The following SNRNP200 variants were observed in gnomAD, a reference collection of about 807,000 sequenced individuals.
The protein encoded by SNRNP200 is small nuclear ribonucleoprotein U5 subunit 200.
SNRNP200 carries 66 observed loss-of-function variants against 255.2 expected under a neutral mutation model. That is an observed-to-expected ratio of 0.26 (90% CI 0.21 to 0.32). The LOEUF (loss-of-function observed/expected upper bound fraction) is 0.32. SNRNP200 is among the 10% of genes least tolerant of loss of function. The pLI is 1.00. For missense variants in SNRNP200, 1,585 were observed against 2,749.8 expected (o/e 0.58, Z 9.47); for synonymous variants, 939 against 1,027.8 (o/e 0.91, Z 1.65).
chr2:96,299,552 G>T, intron 5 of SNRNP200, 125 bp from the exon 6 acceptor site: 1 of 805,600 alleles, frequency 1.2e-6, no homozygotes. Flanking sequence ...GAAACCGAGA[G>T]CCTATTGGAA....
In SNRNP200 at chr2:96,281,901, G is replaced by C. The variant is rs747820198; in HGVS notation, c.4937C>G (p.Ala1646Gly). 3 of 1,614,098 alleles carry C rather than the reference G, an allele frequency of 1.9e-6. No homozygotes were observed. In the East Asian group the frequency reaches 6.7e-5, roughly 36 times the overall value. ...FSSGAIQVVV[A>G]SRSLCWGMNV... ...CATGCCCCAGCAGAGACTCCGAGAA[G>C]CCACCACCACCTGGATAGCCCCTGA... The change falls in exon 35 of 45, where the codon GCT (alanine) becomes GGT (glycine). Residue 1646 changes from alanine to glycine, a missense_variant. Physicochemically the swap from Ala to Gly is moderately conservative, Grantham distance 60 (BLOSUM62 0). This residue lies in a region of SNRNP200 where 719 missense variants were observed against 1,091.1 expected (regional missense o/e 0.66). Coordinates refer to ENST00000323853, the MANE Select transcript of SNRNP200 (RefSeq NM_014014.5).
At position 96,297,090 on chromosome 2, in the gene SNRNP200, A is replaced by G. The variant is rs1242885549; in HGVS notation, c.1378-20T>C. 2.5e-6 allele frequency: 4 copies of G among 1,614,062 alleles called. No individual in the cohort carries two copies. The African/African-American group carries it at 4.0e-5, about 16-fold the overall frequency. On this transcript the variant is annotated intron_variant, in intron 11 of 44. Coordinates refer to ENST00000323853, the MANE Select transcript of SNRNP200 (RefSeq NM_014014.5). ...CAGTTGCTAGAAGAAAAGAAGTGCC[A>G]TCAATATCATGTTGGCAGCATCCTT...
Position 96,277,249 on chromosome 2 carries a change from G to A in SNRNP200, c.5932-8C>T, listed in dbSNP as rs1200443216. 4.3e-6 allele frequency: 7 copies of A among 1,614,022 alleles called. No homozygotes were observed. Among genetic ancestry groups the A allele is most frequent in the Non-Finnish European group, 5.9e-6 (7 of 1,179,968 alleles). On this transcript the variant is annotated splice_polypyrimidine_tract_variant and splice_region_variant and intron_variant, in intron 41 of 44. Coordinates refer to ENST00000323853, the MANE Select transcript of SNRNP200 (RefSeq NM_014014.5). This position sits in a 1 kb window ranked among gnomAD's most constrained non-coding sequence, Gnocchi z 4.4. Reference sequence around the variant, plus strand: ...GAAAACACTCTCCACTCCCTGCAGTGAGTATTCAGACGTCAGGAAAGAGAG... The same window carrying A: ...GAAAACACTCTCCACTCCCTGCAGTAAGTATTCAGACGTCAGGAAAGAGAG...
intron 43 of SNRNP200, 154 bp downstream of exon 43, chr2:96,276,750 A>C: frequency 2.4e-6 from 2 of 847,416 alleles, no homozygotes; most frequent in Non-Finnish European, 4.1e-6. Context: ...CAAACAGAAA[A>C]AAAACCCCAT....
intron 8 of SNRNP200, 25 bp downstream of exon 8, chr2:96,298,578 C>A (rs1211924131): frequency 6.2e-7 from 1 of 1,611,170 alleles, no homozygotes. Context: ...ACTCACTCTG[C>A]AGGAAGACCC....
chr2:96,290,353 G>A lies in SNRNP200; in HGVS notation c.2715C>T (p.Ile905=), dbSNP rs138641050. The A allele has an allele frequency of 4.5e-5, 72 of 1,614,096 alleles. No homozygotes were observed. Among genetic ancestry groups the A allele is most frequent in the East Asian group, 6.7e-5 (3 of 44,882 alleles). The part of the protein sequence containing the change: ...SKLPDMLNAE[I]VLGNVQNAKD... ...TGGCATTCTGGACATTTCCTAGCAC[G>A]ATTTCTGCATTGAGCATGTCAGGAA... is the stretch of plus-strand genomic sequence containing the variant. The change falls in exon 20 of 45, where the codon ATC becomes ATT. Residue 905 remains isoleucine (I), a synonymous_variant. Transcript: ENST00000323853. The surrounding 1 kb of genome is among the most constrained non-coding windows in gnomAD (Gnocchi z 4.5).
intron 43 of SNRNP200, 51 bp downstream of exon 43, chr2:96,276,853 C>CCAATGGATAGGGTGAGTTGA: frequency 6.4e-7 from 1 of 1,556,724 alleles, no homozygotes; most frequent in Non-Finnish European, 8.9e-7. Flanking sequence ...AAGCACCTAG[C>CCAATGGATAGGGTGAGTTGA]CAATGGATAG....
At chr2:96,300,632 G>A (rs1246633579) in intron 5 of SNRNP200, among the ~76,000 whole-genome samples, 1 of 151,922 alleles carries the variant, frequency 6.6e-6, no homozygotes, top group Non-Finnish European at 1.5e-5. Context: ...GCATGGTGGC[G>A]GGCGCCTATA....
Position 96,297,689 on chromosome 2 carries a change from T to G in SNRNP200, c.1151A>C (p.Gln384Pro), listed in dbSNP as rs373841671. ...TTCCAGATCTGTGTCCATTCGAGAC[T>G]GACGCACTCGCTCTCTCCGGGACCT... ...EERSRRERVRQSRMDTDLETM... is the reference protein window; with the variant it reads ...EERSRRERVRPSRMDTDLETM... Residue 384 changes from glutamine (Q) to proline (P), a missense_variant, in exon 10 of 45, where the codon CAG becomes CCG. This residue lies in a region of SNRNP200 where 383 missense variants were observed against 645.3 expected (regional missense o/e 0.59). Coordinates refer to ENST00000323853, the MANE Select transcript of SNRNP200 (RefSeq NM_014014.5). The G allele has an allele frequency of 1.2e-5, 19 of 1,614,152 alleles. No homozygotes were observed. Among genetic ancestry groups the G allele is most frequent in the Non-Finnish European group, 1.6e-5 (19 of 1,180,058 alleles).
intron 31 of SNRNP200, 53 bp downstream of exon 31, chr2:96,284,305 A>G (rs1490315719): frequency 6.6e-7 from 1 of 1,511,936 alleles, no homozygotes; most frequent in Non-Finnish European, 9.2e-7. Flanking sequence ...TCCAATGCCA[A>G]GGCCACTTGG....
At chr2:96,275,182 T>C (rs760816289) in intron 44 of SNRNP200, 27 bp from the exon 45 acceptor site, 1 of 1,614,084 alleles carries the variant, frequency 6.2e-7, no homozygotes, top group Non-Finnish European at 8.5e-7. Context: ...GAAATCAAGA[T>C]GAGCATGGAC....
chr2:96,280,552 T>C (rs1410761467), intron 35 of SNRNP200, among the ~76,000 whole-genome samples: 2 of 136,646 alleles, frequency 1.5e-5, no homozygotes, highest in African/African-American at 5.2e-5. Flanking sequence ...CTGACTCTTC[T>C]AACTTCTTTT....
chr2:96,293,053 T>C lies in SNRNP200; in HGVS notation c.2079A>G (p.Thr693=). The change falls in exon 16 of 45, where the codon ACA becomes ACG. Residue 693 remains threonine, a synonymous_variant. Coordinates refer to ENST00000323853, the MANE Select transcript of SNRNP200 (RefSeq NM_014014.5). ...VPLEQTYVGI[T]EKKAIKRFQI... is the part of the protein sequence containing the mutation. The stretch of plus-strand genomic sequence containing the variant: ...GGAAACGCTTGATAGCTTTTTTCTC[T>C]GTGATACCCACATATGTCTGTTCCA... 6.2e-7 allele frequency: 1 copy of C among 1,614,192 alleles called. No homozygotes were observed.
At chr2:96,285,614 A>G (rs2063839498) in intron 29 of SNRNP200, among the ~76,000 whole-genome samples, 1 of 152,224 alleles carries the variant, frequency 6.6e-6, no homozygotes, top group Non-Finnish European at 1.5e-5. Context: ...AAAGCAAAGC[A>G]AAAGAAGCCA....
intron 36 of SNRNP200, 51 bp downstream of exon 36, chr2:96,279,400 A>C (rs1292965853): frequency 8.7e-7 from 1 of 1,143,732 alleles, no homozygotes; most frequent in African/African-American, 1.5e-5. Context: ...AAGATTAAAG[A>C]ATCCATTCTG....
At position 96,279,252 on chromosome 2, in the gene SNRNP200, C is replaced by A. The variant is rs1046367438; in HGVS notation, c.5133+199G>T. 53 of 655,172 alleles carry A rather than the reference C, an allele frequency of 8.1e-5. No individual in the cohort carries two copies. The South Asian group carries it at 9.3e-4, about 11-fold the overall frequency. 40.6% of individuals were successfully genotyped at this position (655,172 alleles called of 1,614,324 possible). On this transcript the variant is annotated intron_variant, in intron 36 of 44. Coordinates refer to ENST00000323853, the MANE Select transcript of SNRNP200 (RefSeq NM_014014.5). ...ACCAAGTAGAGGGTGAAGACCTCAA[C>A]ACGTGGAGCCAACGGCAGCAGCAAA...
intron 2 of SNRNP200, among the ~76,000 whole-genome samples, chr2:96,303,611 C>T (rs1367067756): frequency 1.3e-5 from 2 of 152,126 alleles, no homozygotes; most frequent in Non-Finnish European, 1.5e-5. Flanking sequence ...ACCCTTTGGC[C>T]AGGTGCAGTG....
Position 96,289,075 on chromosome 2 carries a change from T to C in SNRNP200, c.3136A>G (p.Ile1046Val). Residue 1046 changes from isoleucine (I) to valine (V), a missense_variant, in exon 23 of 45, where the codon ATC becomes GTC. Transcript: ENST00000323853. ...TCCTCAATGCTCTCCTTTACAGGGA[T>C]AGGCACCCTCTCCAGCAACTTCTGC... ...ELQKLLERVP[I>V]PVKESIEEPS... The C allele has an allele frequency of 4.3e-6, 7 of 1,613,298 alleles. No homozygotes were observed. Among genetic ancestry groups the C allele is most frequent in the Middle Eastern group, 1.7e-4 (1 of 6,060 alleles).
In SNRNP200 at chr2:96,277,329, C is replaced by T; in HGVS notation, c.5932-88G>A. 1 of 1,441,012 alleles carries T rather than the reference C, an allele frequency of 6.9e-7. No individual in the cohort carries two copies. The highest frequency in any genetic ancestry group is 9.8e-7 in the Non-Finnish European group (1 of 1,025,328). The allele number at this position is 1,441,012 out of a possible 1,614,324, so 89.3% of individuals were successfully genotyped here. ...AGCAAAGAGCTACTAATTTTACCTC[C>T]TACACTATCAAGTCATCTAGATAAA... On this transcript the variant is annotated intron_variant, in intron 41 of 44. Coordinates refer to ENST00000323853, the MANE Select transcript of SNRNP200 (RefSeq NM_014014.5). The surrounding 1 kb of genome is among the most constrained non-coding windows in gnomAD (Gnocchi z 4.4).
Sources: allele counts gnomAD v4.1 joint callset (sites outside exome capture counted in the v4.1 genomes callset), GRCh38; gene constraint gnomAD v4.1.1; regional missense constraint gnomAD v4.1.1; non-coding constraint Gnocchi (gnomAD v3.1); transcripts MANE v1.5; gene names NCBI Gene and HGNC (gene_info 2026-07-23, HGNC 2026-07-21).